The following RPS6KA2 variants were observed in gnomAD, a reference collection of about 807,000 sequenced individuals.
The protein encoded by RPS6KA2 is ribosomal protein S6 kinase A2.
RPS6KA2 carries 42 observed loss-of-function variants against 91.8 expected under a neutral mutation model. That is an observed-to-expected ratio of 0.46 (90% CI 0.36 to 0.59). The LOEUF (loss-of-function observed/expected upper bound fraction) is 0.59, where lower values mean the gene tolerates loss of function less well. Among genes scored for constraint, RPS6KA2 ranks in the 20% least tolerant of loss-of-function variants. RPS6KA2 has a pLI of 0.00. For missense variants in RPS6KA2, 798 were observed against 978.5 expected (o/e 0.82, Z 2.46); for synonymous variants, 414 against 393.6 (o/e 1.05, Z -0.61).
chr6:166,510,796 A>C (rs1320545453), intron 3 of RPS6KA2, among the ~76,000 whole-genome samples: 4 of 151,212 alleles, frequency 2.6e-5, no homozygotes, highest in African/African-American at 9.7e-5. Flanking sequence ...CCTCCCCTCC[A>C]CGTCGTTTTC....
At chr6:166,444,271 T>G (rs774960897) in intron 14 of RPS6KA2, among the ~76,000 whole-genome samples, 74 of 152,320 alleles carry the variant, frequency 4.9e-4, no homozygotes, top group Non-Finnish European at 9.1e-4. Flanking sequence ...TAATAGTCAC[T>G]TCTATTTTAA....
At chr6:166,718,521 A>C (rs1438107499) in intron 2 of RPS6KA2, among the ~76,000 whole-genome samples, 1 of 152,248 alleles carries the variant, frequency 6.6e-6, no homozygotes, top group Admixed American at 6.5e-5. Context: ...AAACCAATAC[A>C]TATTGACTTT....
intron 2 of RPS6KA2, among the ~76,000 whole-genome samples, chr6:166,703,566 A>G (rs1789593762): frequency 6.6e-6 from 1 of 152,238 alleles, no homozygotes; most frequent in African/African-American, 2.4e-5. Context: ...CAAGAGGCTG[A>G]CATACAGGAG....
intron 2 of RPS6KA2, 52 bp from the exon 3 acceptor site, chr6:166,531,365 T>G: frequency 1.5e-6 from 2 of 1,369,156 alleles, no homozygotes; most frequent in Non-Finnish European, 2.1e-6. Context: ...CAAACTCGCT[T>G]TCCATATTGG....
intron 1 of RPS6KA2, among the ~76,000 whole-genome samples, chr6:166,610,588 C>T (rs542414791): frequency 3.3e-5 from 5 of 152,248 alleles, no homozygotes; most frequent in African/African-American, 7.2e-5. Flanking sequence ...CACCCAGGGC[C>T]CCTCAGGAGT....
At chr6:166,545,902 A>T (rs1038048785) in intron 1 of RPS6KA2, among the ~76,000 whole-genome samples, 2 of 152,194 alleles carry the variant, frequency 1.3e-5, no homozygotes, top group Non-Finnish European at 2.9e-5. Context: ...AAAGACGTGC[A>T]AAGAGTGGAG....
intron 1 of RPS6KA2, among the ~76,000 whole-genome samples, chr6:166,550,357 A>G (rs1783959551): frequency 6.6e-6 from 1 of 152,170 alleles, no homozygotes; most frequent in Non-Finnish European, 1.5e-5. Context: ...AGATCAAACA[A>G]CTTGCTGCAA....
At chr6:166,823,786 A>C (rs1779963394) in intron 2 of RPS6KA2, among the ~76,000 whole-genome samples, 1 of 152,204 alleles carries the variant, frequency 6.6e-6, no homozygotes, top group Non-Finnish European at 1.5e-5. Context: ...TGTAGAGAGA[A>C]GTGAACCTTA....
intron 2 of RPS6KA2, among the ~76,000 whole-genome samples, chr6:166,715,263 C>T (rs920682887): frequency 1.3e-5 from 2 of 152,206 alleles, no homozygotes; most frequent in Admixed American, 1.3e-4. Flanking sequence ...GAAGGAGCTG[C>T]GTCTTCAAAT....
In RPS6KA2 at chr6:166,508,983, T is replaced by C. The variant is rs974474920; in HGVS notation, c.380-701A>G. 1.3e-5 allele frequency among the ~76,000 whole-genome samples: 2 copies of C among 152,198 alleles called. No homozygotes were observed. Among genetic ancestry groups the C allele is most frequent in the Admixed American group, 1.3e-4 (2 of 15,284 alleles). ...GTCACCATCGCTGCTGTGACGATGG[T>C]TGCTGCAGTGGCACTGGTGAGGCAC... On this transcript the variant is annotated intron_variant, in intron 4 of 20. Coordinates refer to ENST00000265678, the MANE Select transcript of RPS6KA2 (RefSeq NM_021135.6). The surrounding 1 kb of genome is among the most constrained non-coding windows in gnomAD (Gnocchi z 4.3).
intron 2 of RPS6KA2, among the ~76,000 whole-genome samples, chr6:166,812,976 T>G (rs1249339283): frequency 6.6e-6 from 1 of 152,082 alleles, no homozygotes; most frequent in Non-Finnish European, 1.5e-5. Flanking sequence ...AAAGGCCTCA[T>G]GGGGTTTTTT....
rs1242233008 is a variant in RPS6KA2, at chr6:166,508,231, C to T, written c.431G>A (p.Gly144Glu). The change falls in exon 5 of 21, where the codon GGG becomes GAG. Residue 144 changes from glycine to glutamate, a missense_variant. By Grantham distance (98) the Gly-to-Glu change is moderately conservative. Transcript: ENST00000265678. This position sits in a 1 kb window ranked among gnomAD's most constrained non-coding sequence, Gnocchi z 4.3. ...TTTGGAGAGCCGGGTGAAGAGGTCC[C>T]CTCCCCGCAGGAAGTCCAGGATCAG... ...LYLILDFLRG[G>E]DLFTRLSKEV... 1.2e-6 allele frequency: 2 copies of T among 1,613,534 alleles called. No homozygotes were observed. Among genetic ancestry groups the T allele is most frequent in the African/African-American group, 1.3e-5 (1 of 74,912 alleles).
At chr6:166,680,207 TCTAA>T (rs1489273620) in intron 2 of RPS6KA2, among the ~76,000 whole-genome samples, 1 of 152,196 alleles carries the variant, frequency 6.6e-6, no homozygotes, top group Non-Finnish European at 1.5e-5. Context: ...AACTTTTGTG[TCTAA>T]CTAAAGGATT....
intron 1 of RPS6KA2, among the ~76,000 whole-genome samples, chr6:166,549,444 C>T (rs901925148): frequency 1.3e-5 from 2 of 150,520 alleles, no homozygotes; most frequent in East Asian, 1.9e-4. Flanking sequence ...AGCTGCAGTA[C>T]ATCACATCAT....
intron 1 of RPS6KA2, among the ~76,000 whole-genome samples, chr6:166,581,087 T>C (rs1408682833): frequency 2.0e-5 from 3 of 152,030 alleles, no homozygotes; most frequent in East Asian, 3.9e-4. Flanking sequence ...TTTTAGTAGA[T>C]AGGGGTTTTG....
intron 2 of RPS6KA2, among the ~76,000 whole-genome samples, chr6:166,811,805 A>G (rs942988857): frequency 6.6e-6 from 1 of 152,204 alleles, no homozygotes; most frequent in Non-Finnish European, 1.5e-5. Flanking sequence ...ATTCTTCTTA[A>G]TCAAGTTATC....
chr6:166,548,629 T>C (rs922428013), intron 1 of RPS6KA2, among the ~76,000 whole-genome samples: 3 of 152,128 alleles, frequency 2.0e-5, no homozygotes, highest in Non-Finnish European at 2.9e-5. Flanking sequence ...TGGACTTTCA[T>C]AGGCAAAGAA....
intron 2 of RPS6KA2, among the ~76,000 whole-genome samples, chr6:166,828,367 C>A (rs999811941): frequency 6.6e-6 from 1 of 152,228 alleles, no homozygotes; most frequent in Non-Finnish European, 1.5e-5. Context: ...AGAATTCAGG[C>A]AAGACTGCCA....
At chr6:166,663,047 C>T (rs1008087171) in intron 2 of RPS6KA2, among the ~76,000 whole-genome samples, 1 of 152,020 alleles carries the variant, frequency 6.6e-6, no homozygotes, top group Non-Finnish European at 1.5e-5. Context: ...AACTGAGAGA[C>T]ATTAAGGGTC....
Sources: allele counts gnomAD v4.1 joint callset (sites outside exome capture counted in the v4.1 genomes callset), GRCh38; gene constraint gnomAD v4.1.1; non-coding constraint Gnocchi (gnomAD v3.1); transcripts MANE v1.5; gene names NCBI Gene and HGNC (gene_info 2026-07-23, HGNC 2026-07-21).